ARID1B: variants seen among roughly 807,000 people sequenced by gnomAD.
The protein encoded by ARID1B is AT-rich interactive domain-containing protein 1B.
ARID1B carries 30 observed loss-of-function variants against 212.3 expected under a neutral mutation model. The observed-to-expected ratio is 0.14, with a 90% CI of 0.11 to 0.19. ARID1B has a LOEUF of 0.19. Ranked by LOEUF, ARID1B falls within the 10% of genes least tolerant of loss-of-function variation. ARID1B has a pLI of 1.00. For synonymous variants in ARID1B, 1,402 were observed against 1,301.7 expected (o/e 1.08, Z -1.66); for missense variants, 2,891 against 3,204.0 (o/e 0.90, Z 2.36).
chr6:157,067,795 G>A (rs1017420146), intron 4 of ARID1B, among the ~76,000 whole-genome samples: 10 of 151,992 alleles, frequency 6.6e-5, no homozygotes, highest in East Asian at 1.9e-4. Context: ...CCCCATTTTC[G>A]TCTTGTCCCT....
At chr6:156,977,848 T>C (rs1162670311) in intron 4 of ARID1B, among the ~76,000 whole-genome samples, 2 of 152,226 alleles carry the variant, frequency 1.3e-5, no homozygotes, top group Admixed American at 1.3e-4. Context: ...TGGAAACAGC[T>C]TGATCCTTTT....
At chr6:157,189,135 C>G (rs952677325) in intron 13 of ARID1B, among the ~76,000 whole-genome samples, 1 of 152,220 alleles carries the variant, frequency 6.6e-6, no homozygotes, top group Non-Finnish European at 1.5e-5. Context: ...TGTGTCCTTG[C>G]TTTTCATCTT....
intron 2 of ARID1B, among the ~76,000 whole-genome samples, chr6:156,841,450 G>A (rs1783895432): frequency 1.3e-5 from 2 of 152,106 alleles, no homozygotes; most frequent in African/African-American, 4.8e-5. Context: ...TGATGATGAT[G>A]ACAGGAATCT....
At chr6:157,155,082 C>T (rs1181249150) in intron 8 of ARID1B, among the ~76,000 whole-genome samples, 1 of 152,078 alleles carries the variant, frequency 6.6e-6, no homozygotes, top group African/African-American at 2.4e-5. Context: ...CTCTGCTGCA[C>T]CTAAAAGGAA....
At chr6:156,925,882 A>AACAAGCAGGAG in intron 3 of ARID1B, among the ~76,000 whole-genome samples, 1 of 152,182 alleles carries the variant, frequency 6.6e-6, no homozygotes, top group Non-Finnish European at 1.5e-5. Context: ...CATGAGCCTG[A>AACAAGCAGGAG]GATAGACAAG....
At position 157,148,096 on chromosome 6, in the gene ARID1B, G is replaced by A. The variant is rs149996842; in HGVS notation, c.2762-528G>A. On this transcript the variant is annotated intron_variant, in intron 7 of 19. Coordinates refer to ENST00000636930, the MANE Select transcript of ARID1B (RefSeq NM_001374828.1). This position sits in a 1 kb window ranked among gnomAD's most constrained non-coding sequence, Gnocchi z 5.6. ...TTATTCCCAACTTAGAGGAAAACTG[G>A]GGCTCATGTCAGGTTCCCGCGTGAC... is the stretch of plus-strand genomic sequence containing the variant. Among the ~76,000 whole-genome samples the A allele has an allele frequency of 2.4e-4, 36 of 151,958 alleles. No individual in the cohort carries two copies. The highest frequency in any genetic ancestry group is 8.4e-4 in the African/African-American group (35 of 41,422).
intron 4 of ARID1B, among the ~76,000 whole-genome samples, chr6:157,013,996 A>G (rs1779764482): frequency 6.6e-6 from 1 of 152,176 alleles, no homozygotes; most frequent in Non-Finnish European, 1.5e-5. Context: ...GAATATTTGA[A>G]TATTGCTGGG....
chr6:157,175,025 TTTTG>T lies in ARID1B; in HGVS notation c.3504+24_3504+27del. The T allele has an allele frequency of 7.4e-7, 1 of 1,359,738 alleles. No homozygotes were observed. The highest frequency in any genetic ancestry group is 2.2e-5 in the South Asian group (1 of 45,700). The allele number at this position is 1,359,738 out of a possible 1,614,324, so 84.2% of individuals were successfully genotyped here. A position where few individuals can be genotyped will look rare whatever the true frequency, so the allele number is the denominator to read the frequency against. On this transcript the variant is annotated intron_variant, in intron 11 of 19. Coordinates refer to ENST00000636930, the MANE Select transcript of ARID1B (RefSeq NM_001374828.1). ...AGCCCTGTAAGTGGCTCTGGTTTTT[TTTTG>T]TTTTTTTTGTTTTTTGTTTTTTTGG...
rs1340148811 is a variant in ARID1B, at chr6:157,200,242, C to G, written c.4480-463C>G. Among the ~76,000 whole-genome samples the G allele has an allele frequency of 6.6e-6, 1 of 152,122 alleles. No individual in the cohort carries two copies. Among genetic ancestry groups the G allele is most frequent in the African/African-American group, 2.4e-5 (1 of 41,424 alleles). On this transcript the variant is annotated intron_variant, in intron 17 of 19. Transcript: ENST00000636930. This position sits in a 1 kb window ranked among gnomAD's most constrained non-coding sequence, Gnocchi z 4.3. ...GGTGACACGGGCCAGTCTGGGGAGC[C>G]GAGTCCTGTTCGGGGGCTTTTCTGT...
chr6:156,978,539 CAT>C (rs10577394), intron 4 of ARID1B, among the ~76,000 whole-genome samples: 29,051 of 152,090 alleles, frequency 0.19, 3,069 homozygotes, highest in East Asian at 0.4. Flanking sequence ...GTTGAATAAA[CAT>C]ATGGAAGTCC....
In ARID1B at chr6:157,043,015, C is replaced by T. The variant is rs7356926; in HGVS notation, c.2248-41647C>T. 3.9e-5 allele frequency among the ~76,000 whole-genome samples: 6 copies of T among 152,172 alleles called. No individual in the cohort carries two copies. The East Asian group carries it at 1.2e-3, about 29-fold the overall frequency. On this transcript the variant is annotated intron_variant, in intron 4 of 19. Transcript: ENST00000636930. ...AATTTTTAATATTTGTTTTAGGCAC[C>T]TAAAATTTATTACTATAAAAGAGAA... is the stretch of plus-strand genomic sequence containing the variant.
intron 5 of ARID1B, among the ~76,000 whole-genome samples, chr6:157,104,887 A>G: frequency 6.6e-6 from 1 of 152,232 alleles, no homozygotes; most frequent in Admixed American, 6.5e-5. Context: ...GTTCATATAG[A>G]AAAACATGCA....
chr6:156,994,665 C>T (rs987161451), intron 4 of ARID1B, among the ~76,000 whole-genome samples: 2 of 152,174 alleles, frequency 1.3e-5, no homozygotes, highest in African/African-American at 4.8e-5. Context: ...TCTGGGCCAT[C>T]CCCTGTGCTC....
At chr6:156,805,595 T>A (rs1186002336) in intron 1 of ARID1B, among the ~76,000 whole-genome samples, 1 of 152,216 alleles carries the variant, frequency 6.6e-6, no homozygotes, top group Non-Finnish European at 1.5e-5. Context: ...ATTTTTTTTC[T>A]ATCCAAATGT....
chr6:157,187,256 T>G (rs970629418), intron 13 of ARID1B, among the ~76,000 whole-genome samples: 2 of 151,610 alleles, frequency 1.3e-5, no homozygotes, highest in Admixed American at 6.6e-5. Context: ...GGGGCAGGGG[T>G]GGGGCATGGA....
intron 4 of ARID1B, among the ~76,000 whole-genome samples, chr6:157,039,253 G>A (rs1781535157): frequency 6.6e-6 from 1 of 150,478 alleles, no homozygotes; most frequent in Non-Finnish European, 1.5e-5. Context: ...AGTAATAGAT[G>A]CTTTTAGCTT....
At chr6:157,075,311 C>T (rs1784234556) in intron 4 of ARID1B, among the ~76,000 whole-genome samples, 1 of 152,098 alleles carries the variant, frequency 6.6e-6, no homozygotes, top group African/African-American at 2.4e-5. Flanking sequence ...AAAACATTTC[C>T]ATCTGTAATC....
chr6:156,935,199 C>G (rs1380574085), intron 3 of ARID1B, among the ~76,000 whole-genome samples: 3 of 151,482 alleles, frequency 2.0e-5, no homozygotes, highest in Non-Finnish European at 2.9e-5. Context: ...CTCAAGCTAT[C>G]CTCCCACCTC....
At chr6:156,811,095 G>A (rs1303668687) in intron 1 of ARID1B, among the ~76,000 whole-genome samples, 1 of 152,122 alleles carries the variant, frequency 6.6e-6, no homozygotes, top group Non-Finnish European at 1.5e-5. Context: ...ATATCTGCCT[G>A]CTTCTTCAAT....
Sources: gnomAD v4.1 joint callset for allele counts (sites outside exome capture counted in the v4.1 genomes callset) on GRCh38, gnomAD v4.1.1 for gene constraint, Gnocchi (gnomAD v3.1) non-coding constraint, MANE v1.5 for transcripts, NCBI Gene and HGNC (gene_info 2026-07-23, HGNC 2026-07-21) for gene names.